Variants in RANBP2 observed in about 807,000 individuals in gnomAD.
The protein encoded by RANBP2 is E3 SUMO-protein ligase RanBP2.
RANBP2 carries 57 observed loss-of-function variants against 303.6 expected under a neutral mutation model. The ratio of observed to expected loss-of-function variants is 0.19; its 90% CI spans 0.15 to 0.23. The LOEUF (loss-of-function observed/expected upper bound fraction) is 0.23. Among genes scored for constraint, RANBP2 ranks in the 10% least tolerant of loss-of-function variants. The pLI, the probability that RANBP2 is intolerant of heterozygous loss-of-function variation, is 1.00. For missense variants in RANBP2, 3,138 were observed against 3,780.8 expected (o/e 0.83, Z 4.46); for synonymous variants, 1,167 against 1,301.5 (o/e 0.90, Z 2.23).
chr2:109,142,299 T>A, the RANBP2 span, among the ~76,000 whole-genome samples: 1 of 152,184 alleles, frequency 6.6e-6, no homozygotes, highest in Non-Finnish European at 1.5e-5. Context: ...GGAATAGGTG[T>A]TTACAGTCTT....
the RANBP2 span, among the ~76,000 whole-genome samples, chr2:109,059,071 A>G: frequency 2.5e-4 from 38 of 151,730 alleles, 1 homozygote; most frequent in African/African-American, 8.7e-4. Flanking sequence ...CTGACCTGCC[A>G]CCTCCGGGCC....
the RANBP2 span, among the ~76,000 whole-genome samples, chr2:109,271,864 C>G: frequency 6.6e-6 from 1 of 152,220 alleles, no homozygotes; most frequent in Non-Finnish European, 1.5e-5. Flanking sequence ...GTATTGAATG[C>G]GGCTAGAATC....
chr2:108,946,898 T>TG, the RANBP2 span, among the ~76,000 whole-genome samples: 2 of 151,876 alleles, frequency 1.3e-5, no homozygotes, highest in Admixed American at 6.6e-5. Context: ...AATCTCATCT[T>TG]TTTTTTCACA....
chr2:108,741,726 A>T (rs1017721359), intron 7 of RANBP2, among the ~76,000 whole-genome samples: 1 of 143,808 alleles, frequency 7.0e-6, no homozygotes, highest in Admixed American at 7.1e-5. Flanking sequence ...GTTAGCCAGG[A>T]TGGTCTCAAT....
Position 108,764,712 on chromosome 2 carries a change from T to G in RANBP2, c.4173T>G (p.Ala1391=). The change falls in exon 20 of 29, where the codon GCT becomes GCG. Residue 1391 remains alanine, a synonymous_variant. Coordinates refer to ENST00000283195, the MANE Select transcript of RANBP2 (RefSeq NM_006267.5). ...AAGAGCTCGTTGGCCCACCATTAGC[T>G]GAAACTGTTTTTACTCCTAAAACCA... ...SNKELVGPPL[A]ETVFTPKTSP... The G allele has an allele frequency of 6.2e-7, 1 of 1,614,040 alleles. No individual in the cohort carries two copies. Among genetic ancestry groups the G allele is most frequent in the Non-Finnish European group, 8.5e-7 (1 of 1,179,964 alleles).
At chr2:109,371,438 G>C in the RANBP2 span, 1 of 593,650 alleles carries the variant, frequency 1.7e-6, no homozygotes, top group South Asian at 2.5e-5. Context: ...GGGTGAAGAT[G>C]TCAGATACCT....
At chr2:109,196,636 C>A in the RANBP2 span, among the ~76,000 whole-genome samples, 1 of 152,138 alleles carries the variant, frequency 6.6e-6, no homozygotes, top group Non-Finnish European at 1.5e-5. Flanking sequence ...GCTGTGGTTG[C>A]GGCTGTACCT....
the RANBP2 span, among the ~76,000 whole-genome samples, chr2:109,256,528 A>T: frequency 1.2e-3 from 181 of 151,908 alleles, no homozygotes; most frequent in South Asian, 2.1e-3. Flanking sequence ...GGTTCAGTCC[A>T]CTCCTGGAGC....
the RANBP2 span, among the ~76,000 whole-genome samples, chr2:109,085,093 C>G: frequency 2.6e-5 from 4 of 152,150 alleles, no homozygotes. Flanking sequence ...CAGGTAAGAC[C>G]TCCAAAGGAA....
the RANBP2 span, among the ~76,000 whole-genome samples, chr2:108,814,827 C>G: frequency 6.6e-6 from 1 of 151,560 alleles, no homozygotes; most frequent in African/African-American, 2.4e-5. Context: ...GTAGAGACAG[C>G]GTTTCACCAT....
the RANBP2 span, among the ~76,000 whole-genome samples, chr2:109,010,387 A>C: frequency 7.3e-6 from 1 of 136,868 alleles, no homozygotes; most frequent in Non-Finnish European, 1.5e-5. Context: ...TCAGCTGTCT[A>C]GTAACTTTGA....
chr2:109,079,993 C>T, the RANBP2 span, among the ~76,000 whole-genome samples: 1 of 152,180 alleles, frequency 6.6e-6, no homozygotes, highest in Admixed American at 6.5e-5. Context: ...GACAGAAAGA[C>T]AGCAAAGGGC....
At chr2:109,340,769 C>T in the RANBP2 span, among the ~76,000 whole-genome samples, 1 of 152,144 alleles carries the variant, frequency 6.6e-6, no homozygotes, top group African/African-American at 2.4e-5. Flanking sequence ...ATTTGATTAT[C>T]TCTGCTTTAT....
chr2:109,389,026 G>C, the RANBP2 span, among the ~76,000 whole-genome samples: 1 of 152,196 alleles, frequency 6.6e-6, no homozygotes, highest in Non-Finnish European at 1.5e-5. Context: ...AGCTACACCA[G>C]GAGCCCATCA....
At chr2:109,638,879 A>G in the RANBP2 span, among the ~76,000 whole-genome samples, 8 of 152,158 alleles carry the variant, frequency 5.3e-5, no homozygotes, top group African/African-American at 1.4e-4. Context: ...TCTTTTGCCA[A>G]CCCCCTGAGA....
the RANBP2 span, among the ~76,000 whole-genome samples, chr2:109,404,375 G>T: frequency 4.8e-4 from 73 of 152,360 alleles, 2 homozygotes; most frequent in South Asian, 0.015. Context: ...GGGTGCCGAT[G>T]CAGAACAGGC....
the RANBP2 span, among the ~76,000 whole-genome samples, chr2:109,466,154 ACTG>A: frequency 7.7e-6 from 1 of 130,276 alleles, no homozygotes; most frequent in Non-Finnish European, 1.5e-5. Flanking sequence ...ATCTCGGCTC[ACTG>A]CTGCAACCTC....
chr2:109,331,552 A>C, the RANBP2 span, among the ~76,000 whole-genome samples: 12 of 152,008 alleles, frequency 7.9e-5, no homozygotes, highest in Non-Finnish European at 1.3e-4. Flanking sequence ...CCGCCTTCCA[A>C]TCCCCTTCTG....
the RANBP2 span, among the ~76,000 whole-genome samples, chr2:108,921,834 C>A: frequency 6.6e-6 from 1 of 152,254 alleles, no homozygotes; most frequent in African/African-American, 2.4e-5. Context: ...GGTCTGGGGC[C>A]TTGCCCAAGG....
Sources: gnomAD v4.1 joint callset for allele counts (sites outside exome capture counted in the v4.1 genomes callset) on GRCh38, gnomAD v4.1.1 for gene constraint, MANE v1.5 for transcripts, NCBI Gene and HGNC (gene_info 2026-07-23, HGNC 2026-07-21) for gene names.